Variants in EIF2B4 observed in about 807,000 individuals in gnomAD.
EIF2B4 encodes the protein eukaryotic translation initiation factor 2B subunit delta.
In EIF2B4, 34 loss-of-function variants were observed where a neutral mutation model predicts 66.7. The ratio of observed to expected loss-of-function variants is 0.51; its 90% CI spans 0.39 to 0.68. EIF2B4 has a LOEUF of 0.68. EIF2B4 is among the 30% of genes least tolerant of loss of function. The pLI is 0.00. For synonymous variants in EIF2B4, 278 were observed against 253.6 expected (o/e 1.10, Z -0.92); for missense variants, 618 against 657.9 (o/e 0.94, Z 0.66).
intron 11 of EIF2B4, chr2:27,365,459 C>G (rs1207268998): frequency 1.3e-5 from 2 of 158,314 alleles, no homozygotes; most frequent in Non-Finnish European, 2.7e-5. Flanking sequence ...TCACTGCAAG[C>G]TCTGCCTCCT....
Position 27,369,673 on chromosome 2 carries a change from C to CTGT in EIF2B4, c.76-127_76-125dup. On this transcript the variant is annotated intron_variant, in intron 2 of 12. Transcript: ENST00000347454. Reference sequence around the variant, plus strand: ...GTTCTTCCTAACTTCCACAAGCTACCTGTTGCAAGCTTACATCCACAGAGG... The same window carrying CTGT: ...GTTCTTCCTAACTTCCACAAGCTACCTGTTGTTGCAAGCTTACATCCACAGAGG... 1.9e-6 allele frequency: 3 copies of CTGT among 1,546,764 alleles called. No homozygotes were observed. The South Asian group carries it at 3.4e-5, about 17-fold the overall frequency.
chr2:27,369,716 G>A (rs1682212323), intron 2 of EIF2B4, 160 bp downstream of exon 2: 8 of 1,467,720 alleles, frequency 5.5e-6, no homozygotes, highest in Non-Finnish European at 7.5e-6. Flanking sequence ...TTCTCCTCCA[G>A]GGACAGAATC....
chr2:27,369,272 T>A, intron 3 of EIF2B4, 60 bp from the exon 4 acceptor site: 6 of 1,606,628 alleles, frequency 3.7e-6, no homozygotes, highest in Non-Finnish European at 5.1e-6. Flanking sequence ...GTGCCCCAGC[T>A]AAAACTAGCT....
At position 27,367,133 on chromosome 2, in the gene EIF2B4, T is replaced by C. The variant is rs773304003; in HGVS notation, c.954A>G (p.Ala318=). 4.3e-6 allele frequency: 7 copies of C among 1,614,226 alleles called. No individual in the cohort carries two copies. In the South Asian group the frequency reaches 7.7e-5, roughly 18 times the overall value. Residue 318 remains alanine, a synonymous_variant, in exon 10 of 13, where the codon GCA becomes GCG. Coordinates refer to ENST00000347454, the MANE Select transcript of EIF2B4 (RefSeq NM_001034116.2). Reference sequence around the variant, plus strand: ...TCTTCTGGTAAGCAAAGCGTGAAATTGCCTGAGCTGCTAGCACAATCTTCT... The same window carrying C: ...TCTTCTGGTAAGCAAAGCGTGAAATCGCCTGAGCTGCTAGCACAATCTTCT... The part of the protein sequence containing the change: ...VQEKIVLAAQ[A]ISRFAYQKIS...
At chr2:27,365,336 G>C (rs1558633259) in intron 11 of EIF2B4, among the ~76,000 whole-genome samples, 1 of 148,908 alleles carries the variant, frequency 6.7e-6, no homozygotes, top group Non-Finnish European at 1.5e-5. Flanking sequence ...AAAGTGCCAG[G>C]ATAACAGGCG....
rs1352292573 is a variant in EIF2B4 at position 27,370,167 on chromosome 2, A to C, written c.31+117T>G. On this transcript the variant is annotated intron_variant, in intron 1 of 12. Coordinates refer to ENST00000347454, the MANE Select transcript of EIF2B4 (RefSeq NM_001034116.2). ...CTGCGCTCGAGACTGTGTAGACCGG[A>C]GCCCAGCGTGGCGCTGGAACGGAGC... is the stretch of plus-strand genomic sequence containing the variant. 7 of 1,544,802 alleles carry C rather than the reference A, an allele frequency of 4.5e-6. No homozygotes were observed. In the East Asian group the frequency reaches 1.7e-4, roughly 38 times the overall value.
Position 27,368,724 on chromosome 2 carries a change from C to G in EIF2B4, c.428G>C (p.Arg143Pro). Reference protein sequence around the residue: ...TAGETPSGVKRLPEYPQVDDL... With the variant: ...TAGETPSGVKPLPEYPQVDDL... The stretch of plus-strand genomic sequence containing the variant: ...ATCAACCTGAGGGTACTCAGGGAGA[C>G]GCTTCACTCCTGAAAGATAATCATC... Residue 143 changes from arginine (R) to proline (P), a missense_variant, in exon 5 of 13, where the codon CGT becomes CCT. By Grantham distance (103) the Arg-to-Pro change is moderately radical (BLOSUM62 -2). Around this residue, in one of 4 missense-constraint regions of EIF2B4, gnomAD observed 506 missense variants for 511.9 expected, o/e 0.99. Transcript: ENST00000347454. 6.2e-7 allele frequency: 1 copy of G among 1,614,106 alleles called. No individual in the cohort carries two copies. Among genetic ancestry groups the G allele is most frequent in the Non-Finnish European group, 8.5e-7 (1 of 1,179,980 alleles).
chr2:27,367,426 G>A (rs753108196), intron 9 of EIF2B4, 31 bp downstream of exon 9: 2 of 1,611,594 alleles, frequency 1.2e-6, no homozygotes, highest in South Asian at 1.1e-5. Context: ...ACCCACAGGT[G>A]CATGCCTTCC....
At chr2:27,364,623 A>C in intron 12 of EIF2B4, 24 bp from the exon 13 acceptor site, 1 of 1,614,142 alleles carries the variant, frequency 6.2e-7, no homozygotes, top group African/African-American at 1.3e-5. Context: ...CGTACCCATT[A>C]TGTTCTTTCA....
rs1240908854 is a variant in EIF2B4 at position 27,370,301 on chromosome 2, G to A, written c.14C>T (p.Ala5Val). Residue 5 changes from alanine to valine, a missense_variant, in exon 1 of 13, where the codon GCC becomes GTC. By Grantham distance (64) the Ala-to-Val change is moderately conservative (BLOSUM62 0). Transcript: ENST00000347454. ...TCACTCACCCTCGCGAACAGCCACGGCCACAGCAGCCATCGCCCTCAGTCC... is the reference window on the plus strand; with the variant it reads ...TCACTCACCCTCGCGAACAGCCACGACCACAGCAGCCATCGCCCTCAGTCC... Reference protein sequence around the residue: MAAVAVAVREDSGSG... With the variant: MAAVVVAVREDSGSG... 2 of 1,545,334 alleles carry A rather than the reference G, an allele frequency of 1.3e-6. No individual in the cohort carries two copies. The highest frequency in any genetic ancestry group is 2.7e-5 in the African/African-American group (2 of 73,354).
At chr2:27,367,722 G>A (rs754887517) in intron 8 of EIF2B4, 24 bp downstream of exon 8, 1 of 1,603,850 alleles carries the variant, frequency 6.2e-7, no homozygotes, top group South Asian at 1.1e-5. Flanking sequence ...CGAGCTGGGA[G>A]TGGACTTATA....
At chr2:27,368,790 C>T in intron 4 of EIF2B4, 57 bp from the exon 5 acceptor site, 1 of 1,586,468 alleles carries the variant, frequency 6.3e-7, no homozygotes, top group Non-Finnish European at 8.7e-7. Context: ...GTGTAATTTG[C>T]TCTTAGGGTA....
intron 2 of EIF2B4, 94 bp from the exon 3 acceptor site, chr2:27,369,643 C>G: frequency 6.3e-7 from 1 of 1,598,476 alleles, no homozygotes; most frequent in Non-Finnish European, 8.6e-7. Flanking sequence ...ATGGTTAAAT[C>G]CCTAGTTCTT....
intron 11 of EIF2B4, 112 bp downstream of exon 11, chr2:27,366,647 C>A (rs566780007): frequency 9.0e-6 from 12 of 1,329,222 alleles, no homozygotes; most frequent in East Asian, 4.6e-5. Context: ...TCGCTGCACT[C>A]CATCCTTATC....
Position 27,364,795 on chromosome 2 carries a change from A to G in EIF2B4, c.1295T>C (p.Val432Ala), listed in dbSNP as rs748621364. 6.2e-7 allele frequency: 1 copy of G among 1,614,224 alleles called. No individual in the cohort carries two copies. Among genetic ancestry groups the G allele is most frequent in the South Asian group, 1.1e-5 (1 of 91,092 alleles). Residue 432 changes from valine to alanine, a missense_variant, in exon 12 of 13, where the codon GTA (valine) becomes GCA (alanine). This residue lies in a region of EIF2B4 where 36 missense variants were observed against 65.5 expected (regional missense o/e 0.55). Transcript: ENST00000347454. ...TGTTTCACAGCAAACCAGCACTGGT[A>G]CATTATGGGCTCGAGCCACCAGGGC... ...QLALVARAHN[V>A]PVLVCCETYK...
intron 1 of EIF2B4, 176 bp from the exon 2 acceptor site, chr2:27,370,095 G>A (rs564062277): frequency 4.0e-6 from 6 of 1,509,788 alleles, no homozygotes; most frequent in Non-Finnish European, 5.3e-6. Context: ...AGGAATGGAG[G>A]GGTCACCGAC....
chr2:27,364,651 T>G lies in EIF2B4; in HGVS notation c.1373-52A>C, dbSNP rs1379501994. 3.7e-6 allele frequency: 6 copies of G among 1,614,168 alleles called. No homozygotes were observed. The South Asian group carries it at 6.6e-5, about 18-fold the overall frequency. On this transcript the variant is annotated intron_variant, in intron 12 of 12. Transcript: ENST00000347454. ...TTCTTTCAGAAAAGAAGTTCTAGTTTATCCGCCCCTCTCCCTCCCTCTCAA... is the reference window on the plus strand; with the variant it reads ...TTCTTTCAGAAAAGAAGTTCTAGTTGATCCGCCCCTCTCCCTCCCTCTCAA...
chr2:27,368,061 A>T lies in EIF2B4; in HGVS notation c.669T>A (p.Asn223Lys). The change falls in exon 7 of 13, where the codon AAT (asparagine) becomes AAA (lysine). Residue 223 changes from asparagine to lysine, a missense_variant. By Grantham distance (94) the Asn-to-Lys change is moderately conservative. This residue lies in a region of EIF2B4 where 506 missense variants were observed against 511.9 expected (regional missense o/e 0.99). Coordinates refer to ENST00000347454, the MANE Select transcript of EIF2B4 (RefSeq NM_001034116.2). ...QYSQGLVSGSNARCIALLRAL... is the reference protein window; with the variant it reads ...QYSQGLVSGSKARCIALLRAL... Reference sequence around the variant, plus strand: ...CACGAAGCAGGGCAATACACCGGGCATTGGAGCCACTGACCAGGCCCTGGG... The same window carrying T: ...CACGAAGCAGGGCAATACACCGGGCTTTGGAGCCACTGACCAGGCCCTGGG... The T allele has an allele frequency of 6.3e-7, 1 of 1,597,590 alleles. No homozygotes were observed. The highest frequency in any genetic ancestry group is 8.5e-7 in the Non-Finnish European group (1 of 1,171,880).
chr2:27,367,939 C>A, intron 7 of EIF2B4, 86 bp downstream of exon 7: 1 of 1,483,896 alleles, frequency 6.7e-7, no homozygotes, highest in East Asian at 2.4e-5. Context: ...CCCTCTGTCC[C>A]CCAGAGATGA....
Sources: gnomAD v4.1 joint callset for allele counts (sites outside exome capture counted in the v4.1 genomes callset) on GRCh38, gnomAD v4.1.1 for gene constraint, gnomAD v4.1.1 regional missense constraint, MANE v1.5 for transcripts, NCBI Gene and HGNC (gene_info 2026-07-23, HGNC 2026-07-21) for gene names.